The following TRMT11 variants were observed in gnomAD, a reference collection of about 807,000 sequenced individuals.
TRMT11 encodes tRNA methyltransferase 11.
In TRMT11, 53 loss-of-function variants were observed where a neutral mutation model predicts 62.8. The observed-to-expected ratio is 0.84, with a 90% CI of 0.68 to 1.06. The LOEUF (loss-of-function observed/expected upper bound fraction) is 1.06, where lower values mean the gene tolerates loss of function less well. Among genes scored for constraint, TRMT11 ranks in the 50% least tolerant of loss-of-function variants. The probability of loss-of-function intolerance (pLI) is 0.00; values close to 1 mark genes in which losing one functional copy is unlikely to be tolerated. For synonymous variants in TRMT11, 188 were observed against 190.3 expected (o/e 0.99, Z 0.10); for missense variants, 556 against 553.4 (o/e 1.00, Z -0.05).
At chr6:126,125,999 T>C (rs2128202310) in intron 21 of TRMT11, among the ~76,000 whole-genome samples, 1 of 152,266 alleles carries the variant, frequency 6.6e-6, no homozygotes, top group South Asian at 2.1e-4. Flanking sequence ...CTACATGATA[T>C]TAAGCAGAAC....
At chr6:126,021,505 G>A (rs536632040) in intron 12 of TRMT11, among the ~76,000 whole-genome samples, 3 of 152,236 alleles carry the variant, frequency 2.0e-5, no homozygotes, top group South Asian at 2.1e-4. Context: ...TCAAATAGAC[G>A]TTGACCCTCA....
intron 17 of TRMT11, among the ~76,000 whole-genome samples, chr6:126,063,991 C>T (rs1345501810): frequency 6.6e-6 from 1 of 152,166 alleles, no homozygotes; most frequent in Non-Finnish European, 1.5e-5. Flanking sequence ...ACTGATGTTG[C>T]TGTGTCCTGC....
Position 126,038,602 on chromosome 6 carries a change from G to A in TRMT11, c.1261-103G>A, listed in dbSNP as rs189683177. ...AGTGAAGGAAGATAAATATGCACTA[G>A]AGAGTGAGATTTTGCTTAAGATTTT... On this transcript the variant is annotated intron_variant, in intron 12 of 12. Coordinates refer to ENST00000334379, the MANE Select transcript of TRMT11 (RefSeq NM_001031712.3). 1.5e-5 allele frequency: 14 copies of A among 932,954 alleles called. No homozygotes were observed. The Admixed American group carries it at 3.8e-4, about 25-fold the overall frequency. 57.8% of individuals were successfully genotyped at this position (932,954 alleles called of 1,614,324 possible). A position where few individuals can be genotyped will look rare whatever the true frequency, so the allele number is the denominator to read the frequency against.
chr6:126,040,292 G>A (rs1227872338), downstream of TRMT11, among the ~76,000 whole-genome samples: 3 of 151,996 alleles, frequency 2.0e-5, no homozygotes, highest in Non-Finnish European at 4.4e-5. Flanking sequence ...GAAATTATTT[G>A]TTATTACTAC....
chr6:126,021,318 G>A, intron 12 of TRMT11, 38 bp downstream of exon 12: 2 of 1,604,232 alleles, frequency 1.2e-6, no homozygotes, highest in Non-Finnish European at 1.7e-6. Context: ...AATTCTGAAA[G>A]AATCAAAAGT....
intron 1 of TRMT11, among the ~76,000 whole-genome samples, chr6:126,190,930 C>A (rs1308863320): frequency 6.6e-6 from 1 of 152,084 alleles, no homozygotes; most frequent in Non-Finnish European, 1.5e-5. Context: ...CTTCAACATA[C>A]TTATTTCCTT....
At chr6:126,250,460 T>C in the TRMT11 span, among the ~76,000 whole-genome samples, 1 of 152,196 alleles carries the variant, frequency 6.6e-6, no homozygotes, top group African/African-American at 2.4e-5. Flanking sequence ...ACAGGGTGTG[T>C]CATATCTTAT....
chr6:126,155,695 G>A (rs1778110984), intron 21 of TRMT11, among the ~76,000 whole-genome samples: 1 of 152,192 alleles, frequency 6.6e-6, no homozygotes, highest in Admixed American at 6.5e-5. Flanking sequence ...CTCCATGCAA[G>A]CCTGAAACCC....
At position 126,013,044 on chromosome 6, in the gene TRMT11, C is replaced by G. The variant is rs751499037; in HGVS notation, c.1082C>G (p.Ala361Gly). Residue 361 changes from alanine to glycine, a missense_variant, in exon 11 of 13, where the codon GCT (alanine) becomes GGT (glycine). Coordinates refer to ENST00000334379, the MANE Select transcript of TRMT11 (RefSeq NM_001031712.3). ...DMFLDLLNFAAETLVLGGRLV... is the reference protein window; with the variant it reads ...DMFLDLLNFAGETLVLGGRLV... ...TTTCTTGACCTGTTAAACTTCGCAG[C>G]TGAGACCCTCGTTTTAGGTGGAAGA... 6.2e-7 allele frequency: 1 copy of G among 1,613,906 alleles called. No individual in the cohort carries two copies. Among genetic ancestry groups the G allele is most frequent in the South Asian group, 1.1e-5 (1 of 91,078 alleles).
chr6:126,227,687 T>A, the TRMT11 span, among the ~76,000 whole-genome samples: 2 of 152,226 alleles, frequency 1.3e-5, no homozygotes, highest in Admixed American at 1.3e-4. Flanking sequence ...TATACTGCTA[T>A]CCCTTCCTCG....
the TRMT11 span, among the ~76,000 whole-genome samples, chr6:126,229,498 G>T: frequency 6.6e-6 from 1 of 152,114 alleles, no homozygotes; most frequent in Non-Finnish European, 1.5e-5. Context: ...AAGGCTGGTA[G>T]ATTTTACACA....
At chr6:126,107,688 C>T (rs1436586775) in intron 17 of TRMT11, among the ~76,000 whole-genome samples, 2 of 152,076 alleles carry the variant, frequency 1.3e-5, no homozygotes, top group African/African-American at 4.8e-5. Flanking sequence ...ACCAAAGGAG[C>T]GGTTCAGGTA....
At chr6:126,067,526 G>A (rs1430716225) in intron 17 of TRMT11, among the ~76,000 whole-genome samples, 1 of 152,170 alleles carries the variant, frequency 6.6e-6, no homozygotes, top group Non-Finnish European at 1.5e-5. Context: ...CATGTTCTTT[G>A]TTGTGTGGGA....
intron 1 of TRMT11, among the ~76,000 whole-genome samples, chr6:126,194,176 G>A (rs1583905872): frequency 6.6e-6 from 1 of 152,132 alleles, no homozygotes; most frequent in South Asian, 2.1e-4. Flanking sequence ...TTGATCTAGA[G>A]TATAGTTTAA....
intron 21 of TRMT11, among the ~76,000 whole-genome samples, chr6:126,115,978 G>C (rs909129574): frequency 6.7e-6 from 1 of 149,444 alleles, no homozygotes. Context: ...CTGGGTTTTC[G>C]TAATCCCTTG....
intron 1 of TRMT11, among the ~76,000 whole-genome samples, chr6:126,190,428 G>C (rs1402677985): frequency 6.6e-6 from 1 of 152,094 alleles, no homozygotes; most frequent in Admixed American, 6.6e-5. Flanking sequence ...TTGATGCATT[G>C]TGAAGAAGGT....
intron 17 of TRMT11, among the ~76,000 whole-genome samples, chr6:126,061,945 C>A (rs1367803768): frequency 6.6e-6 from 1 of 152,202 alleles, no homozygotes; most frequent in East Asian, 1.9e-4. Context: ...GGCAGTGGCA[C>A]CATCACAGCT....
At chr6:126,095,010 A>G (rs965479554) in intron 17 of TRMT11, among the ~76,000 whole-genome samples, 1 of 152,202 alleles carries the variant, frequency 6.6e-6, no homozygotes, top group Non-Finnish European at 1.5e-5. Context: ...TGATGCTTCT[A>G]AAATGTTCAT....
intron 17 of TRMT11, among the ~76,000 whole-genome samples, chr6:126,055,132 G>A (rs1776332554): frequency 6.6e-6 from 1 of 152,088 alleles, no homozygotes; most frequent in Non-Finnish European, 1.5e-5. Flanking sequence ...ACTCATCTAA[G>A]TTTTATATGT....
Sources: allele counts gnomAD v4.1 joint callset (sites outside exome capture counted in the v4.1 genomes callset), GRCh38; gene constraint gnomAD v4.1.1; transcripts MANE v1.5; gene names NCBI Gene and HGNC (gene_info 2026-07-23, HGNC 2026-07-21).